Variants in SH3PXD2B observed in about 807,000 individuals in gnomAD.
SH3PXD2B encodes SH3 and PX domains 2B.
SH3PXD2B carries 37 observed loss-of-function variants against 73.1 expected under a neutral mutation model. That is an observed-to-expected ratio of 0.51 (90% CI 0.39 to 0.67). SH3PXD2B has a LOEUF of 0.67. SH3PXD2B is among the 30% of genes least tolerant of loss of function. The pLI is 0.00. For synonymous variants in SH3PXD2B, 457 were observed against 480.5 expected, an observed-to-expected ratio of 0.95 and a Z score of 0.64; for missense variants, 1,053 against 1,197.8, an observed-to-expected ratio of 0.88 and a Z score of 1.78.
chr5:172,409,312 G>A (rs896791741), intron 2 of SH3PXD2B, among the ~76,000 whole-genome samples: 10 of 152,040 alleles, frequency 6.6e-5, no homozygotes, highest in African/African-American at 1.9e-4. Flanking sequence ...AACCTGGGAG[G>A]TGGAGGTTGC....
At chr5:172,373,909 C>A (rs1554137502) in intron 5 of SH3PXD2B, 94 bp from the exon 6 acceptor site, 3 of 1,332,308 alleles carry the variant, frequency 2.3e-6, no homozygotes, top group South Asian at 1.2e-5. Context: ...AGATTCTCCA[C>A]CCCCCACAAC....
intron 3 of SH3PXD2B, among the ~76,000 whole-genome samples, chr5:172,403,482 A>T (rs545635449): frequency 7.4e-6 from 1 of 134,976 alleles, no homozygotes; most frequent in East Asian, 2.9e-4. Context: ...CCTGGGGCCC[A>T]GCGGGGTCCT....
chr5:172,330,076 T>C (rs555695503), downstream of SH3PXD2B, among the ~76,000 whole-genome samples: 297 of 152,302 alleles, frequency 2.0e-3, no homozygotes, highest in African/African-American at 6.9e-3. Flanking sequence ...TTTTTTCATA[T>C]TTTGGAATAC....
intron 2 of SH3PXD2B, among the ~76,000 whole-genome samples, chr5:172,415,584 G>T (rs929621661): frequency 1.3e-5 from 2 of 152,232 alleles, no homozygotes; most frequent in Non-Finnish European, 2.9e-5. Context: ...CCTCATGCCT[G>T]TGAGGACAGA....
downstream of SH3PXD2B, among the ~76,000 whole-genome samples, chr5:172,330,994 T>A (rs1229835370): frequency 6.6e-6 from 1 of 152,032 alleles, no homozygotes; most frequent in Non-Finnish European, 1.5e-5. Flanking sequence ...CCAGAGTTCA[T>A]GACCAGCCTG....
At chr5:172,368,661 ATTATATATATATAAAATATATATG>A (rs1581280595) in intron 6 of SH3PXD2B, among the ~76,000 whole-genome samples, 1 of 22,382 alleles carries the variant, frequency 4.5e-5, no homozygotes, top group Admixed American at 9.8e-4. Context: ...AAATATATAT[ATTATATATATATAAAATATATATG>A]TTATATATAT....
chr5:172,346,361 AG>A (rs1404990060), intron 11 of SH3PXD2B, 100 bp from the exon 12 acceptor site: 15 of 1,574,254 alleles, frequency 9.5e-6, no homozygotes, highest in Non-Finnish European at 9.5e-6. Flanking sequence ...ATCACCCTTA[AG>A]GGGGTGCTGG....
chr5:172,408,423 C>T (rs889754083), intron 2 of SH3PXD2B, among the ~76,000 whole-genome samples: 4 of 152,050 alleles, frequency 2.6e-5, no homozygotes, highest in Admixed American at 2.6e-4. Context: ...CGTGTGCCAC[C>T]ATGCTCAGCT....
intron 1 of SH3PXD2B, among the ~76,000 whole-genome samples, chr5:172,446,847 G>C (rs1759674424): frequency 6.6e-6 from 1 of 152,238 alleles, no homozygotes; most frequent in Admixed American, 6.5e-5. Flanking sequence ...TGCTGAGCAA[G>C]GAACATTTTA....
At position 172,336,076 on chromosome 5, in the gene SH3PXD2B, G is replaced by C. The variant is rs1463568130; in HGVS notation, c.*2293C>G. 22 of 990,030 alleles carry C rather than the reference G, an allele frequency of 2.2e-5. No individual in the cohort carries two copies. The highest frequency in any genetic ancestry group is 2.6e-5 in the Non-Finnish European group (22 of 833,264). 61.3% of individuals were successfully genotyped at this position (990,030 alleles called of 1,614,324 possible). A position where few individuals can be genotyped will look rare whatever the true frequency, so the allele number is the denominator to read the frequency against. On this transcript the variant is annotated 3_prime_UTR_variant, in exon 13 of 13. Transcript: ENST00000311601. ...CTCCTTCAGTGAAGTCAGCAGACAGGACTCAAAGCTCTTCCAGCCAGGGAT... is the reference window on the plus strand; with the variant it reads ...CTCCTTCAGTGAAGTCAGCAGACAGCACTCAAAGCTCTTCCAGCCAGGGAT...
intron 1 of SH3PXD2B, among the ~76,000 whole-genome samples, chr5:172,438,510 T>C (rs1199425136): frequency 6.6e-6 from 1 of 152,074 alleles, no homozygotes; most frequent in Admixed American, 6.5e-5. Flanking sequence ...GTGACCTCAC[T>C]CAAGGCTCTC....
chr5:172,434,789 T>TTTTTTG (rs774157226), intron 1 of SH3PXD2B, among the ~76,000 whole-genome samples: 5 of 150,720 alleles, frequency 3.3e-5, no homozygotes, highest in African/African-American at 9.9e-5. Context: ...ATGGTTTTTT[T>TTTTTTG]TTTTTTTTTT....
intron 6 of SH3PXD2B, 48 bp downstream of exon 6, chr5:172,373,742 A>G (rs1453860515): frequency 6.3e-7 from 1 of 1,584,178 alleles, no homozygotes; most frequent in South Asian, 1.1e-5. Context: ...GCTCGGCTGG[A>G]GTTTGCCGAA....
At position 172,336,491 on chromosome 5, in the gene SH3PXD2B, C is replaced by G; in HGVS notation, c.*1878G>C. On this transcript the variant is annotated 3_prime_UTR_variant, in exon 13 of 13. Coordinates refer to ENST00000311601, the MANE Select transcript of SH3PXD2B (RefSeq NM_001017995.3). ...AGGCACTAAAGATGCTACAGGTGAT[C>G]AGAGGAAGCTCCTCACGCAGAAGCA... 1.0e-6 allele frequency: 1 copy of G among 985,710 alleles called. No homozygotes were observed. Among genetic ancestry groups the G allele is most frequent in the East Asian group, 1.1e-4 (1 of 8,774 alleles). The allele number at this position is 985,710 out of a possible 1,614,324, so 61.1% of individuals were successfully genotyped here. A position where few individuals can be genotyped will look rare whatever the true frequency, so the allele number is the denominator to read the frequency against.
chr5:172,427,769 TG>T (rs1203855259), intron 1 of SH3PXD2B, among the ~76,000 whole-genome samples: 1 of 151,438 alleles, frequency 6.6e-6, no homozygotes, highest in South Asian at 2.1e-4. Flanking sequence ...ATGTTGTGTG[TG>T]TTACCACGAT....
chr5:172,439,645 A>C, intron 1 of SH3PXD2B, among the ~76,000 whole-genome samples: 1 of 151,276 alleles, frequency 6.6e-6, no homozygotes, highest in African/African-American at 2.4e-5. Context: ...GGGAATGTCA[A>C]GCTGTAAAAA....
In SH3PXD2B at chr5:172,338,666, C is replaced by T. The variant is rs997708036; in HGVS notation, c.2439G>A (p.Gly813=). Residue 813 remains glycine (G), a synonymous_variant, in exon 13 of 13, where the codon GGG becomes GGA. Coordinates refer to ENST00000311601, the MANE Select transcript of SH3PXD2B (RefSeq NM_001017995.3). The surrounding 1 kb of genome is among the most constrained non-coding windows in gnomAD (Gnocchi z 5.1). ...KAKPFLSNSL[G]GQDDTRGKGS... ...CTTTGCCTCGCGTGTCATCCTGGCC[C>T]CCCAAAGAGTTGGAGAGAAAAGGTT... is the stretch of plus-strand genomic sequence containing the variant. 3 of 1,614,100 alleles carry T rather than the reference C, an allele frequency of 1.9e-6. No individual in the cohort carries two copies. The highest frequency in any genetic ancestry group is 2.7e-5 in the African/African-American group (2 of 74,936).
chr5:172,368,808 G>A (rs1012482718), intron 6 of SH3PXD2B, among the ~76,000 whole-genome samples: 15 of 120,008 alleles, frequency 1.2e-4, no homozygotes, highest in African/African-American at 4.5e-4. Flanking sequence ...TATATAATAT[G>A]TATATTAAAT....
At chr5:172,446,342 T>C (rs1289755641) in intron 1 of SH3PXD2B, among the ~76,000 whole-genome samples, 2 of 152,190 alleles carry the variant, frequency 1.3e-5, no homozygotes, top group East Asian at 1.9e-4. Flanking sequence ...TTTTGGCCAC[T>C]TGTGGGTGCT....
Sources: gnomAD v4.1 joint callset for allele counts (sites outside exome capture counted in the v4.1 genomes callset) on GRCh38, gnomAD v4.1.1 for gene constraint, Gnocchi (gnomAD v3.1) non-coding constraint, MANE v1.5 for transcripts, NCBI Gene and HGNC (gene_info 2026-07-23, HGNC 2026-07-21) for gene names.